Variants in ZNF536 observed in about 807,000 individuals in gnomAD.
ZNF536 encodes zinc finger protein 536.
ZNF536 carries 13 observed loss-of-function variants against 84.5 expected under a neutral mutation model. That is an observed-to-expected ratio of 0.15 (90% CI 0.10 to 0.24). The LOEUF is 0.24. ZNF536 is among the 10% of genes least tolerant of loss of function. The probability of loss-of-function intolerance (pLI) is 1.00; values close to 1 mark genes in which losing one functional copy is unlikely to be tolerated. For missense variants in ZNF536, 1,536 were observed against 1,747.5 expected, an observed-to-expected ratio of 0.88 and a Z score of 2.16; for synonymous variants, 811 against 742.5, an observed-to-expected ratio of 1.09 and a Z score of -1.50.
chr19:30,572,669 C>T (rs2046592140), intron 1 of ZNF536, among the ~76,000 whole-genome samples: 4 of 152,114 alleles, frequency 2.6e-5, no homozygotes, highest in Admixed American at 2.6e-4. Context: ...TCTCGTGGGG[C>T]TTACCTTCTA....
chr19:30,465,211 G>A (rs2053331025), intron 2 of ZNF536, among the ~76,000 whole-genome samples: 1 of 152,048 alleles, frequency 6.6e-6, no homozygotes, highest in Non-Finnish European at 1.5e-5. Flanking sequence ...GCCCTGTAGT[G>A]GCCTCAGCAT....
chr19:30,477,326 C>T (rs776202050), intron 2 of ZNF536, among the ~76,000 whole-genome samples: 1 of 152,146 alleles, frequency 6.6e-6, no homozygotes, highest in Non-Finnish European at 1.5e-5. Flanking sequence ...TTAGGTAGCC[C>T]AGGGCCTAGA....
intron 1 of ZNF536, among the ~76,000 whole-genome samples, chr19:30,603,014 G>A (rs10409596): frequency 3.3e-4 from 50 of 152,334 alleles, no homozygotes; most frequent in Middle Eastern, 6.8e-3. Context: ...CCCATCAGTG[G>A]CATCAGTCTG....
intron 2 of ZNF536, among the ~76,000 whole-genome samples, chr19:30,454,034 G>A (rs189992054): frequency 2.9e-4 from 44 of 152,396 alleles, no homozygotes; most frequent in Admixed American, 4.6e-4. Context: ...TCCAATGTGG[G>A]CATGAGGACG....
chr19:30,576,313 G>T (rs1400837573), intron 1 of ZNF536, among the ~76,000 whole-genome samples: 1 of 152,114 alleles, frequency 6.6e-6, no homozygotes, highest in African/African-American at 2.4e-5. Context: ...GATGCAGATA[G>T]GACACTCTGT....
At chr19:30,439,284 C>T (rs1420680647) in intron 1 of ZNF536, among the ~76,000 whole-genome samples, 1 of 152,202 alleles carries the variant, frequency 6.6e-6, no homozygotes, top group Non-Finnish European at 1.5e-5. Context: ...TGGACACTCA[C>T]TCACGCTGGC....
chr19:30,426,662 C>G (rs1426232552), intron 1 of ZNF536, among the ~76,000 whole-genome samples: 1 of 152,102 alleles, frequency 6.6e-6, no homozygotes, highest in Admixed American at 6.6e-5. Context: ...GTTGCAGGAG[C>G]CTGGGGAGGC....
At chr19:30,286,799 G>A (rs186867895) in intron 2 of ZNF536, among the ~76,000 whole-genome samples, 1 of 152,314 alleles carries the variant, frequency 6.6e-6, no homozygotes, top group East Asian at 1.9e-4. Context: ...TATAGATAAT[G>A]AGGAATAAAG....
chr19:30,367,391 T>G (rs1045929257), upstream of ZNF536, among the ~76,000 whole-genome samples: 2 of 152,242 alleles, frequency 1.3e-5, no homozygotes, highest in Non-Finnish European at 2.9e-5. Flanking sequence ...ACACATCATC[T>G]GACTACCAAA....
chr19:30,390,456 G>A (rs2049537556), intron 1 of ZNF536, among the ~76,000 whole-genome samples: 1 of 152,134 alleles, frequency 6.6e-6, no homozygotes, highest in Non-Finnish European at 1.5e-5. Flanking sequence ...CTAGAAAGTG[G>A]AGTTGAACTC....
intron 1 of ZNF536, among the ~76,000 whole-genome samples, chr19:30,433,766 G>A (rs141687616): frequency 0.011 from 1,738 of 152,218 alleles, 12 homozygotes; most frequent in Non-Finnish European, 0.016. Flanking sequence ...CAAAGTGCTG[G>A]GATTACAGGC....
chr19:30,470,287 A>C (rs1013930933), intron 2 of ZNF536, among the ~76,000 whole-genome samples: 9 of 152,132 alleles, frequency 5.9e-5, no homozygotes, highest in African/African-American at 2.2e-4. Context: ...GAAGAGTCCA[A>C]ATCTTCTTAT....
intron 1 of ZNF536, among the ~76,000 whole-genome samples, chr19:30,572,450 C>T (rs1005254999): frequency 6.6e-6 from 1 of 152,168 alleles, no homozygotes; most frequent in Non-Finnish European, 1.5e-5. Context: ...AACACTGTGA[C>T]CCCTCTACCC....
chr19:30,335,925 C>A (rs964154524), intron 2 of ZNF536, among the ~76,000 whole-genome samples: 2 of 152,124 alleles, frequency 1.3e-5, no homozygotes, highest in Admixed American at 6.5e-5. Context: ...ACCATCCCCA[C>A]TGAATGGATT....
chr19:30,661,420 T>A (rs1407230288), intron 1 of ZNF536, among the ~76,000 whole-genome samples: 1 of 152,214 alleles, frequency 6.6e-6, no homozygotes, highest in East Asian at 1.9e-4. Context: ...AAGGCTGGTA[T>A]AATGGATTTG....
At chr19:30,391,073 G>C (rs2049568540) in intron 1 of ZNF536, among the ~76,000 whole-genome samples, 1 of 152,232 alleles carries the variant, frequency 6.6e-6, no homozygotes, top group African/African-American at 2.4e-5. Context: ...CAGAGCCAGA[G>C]GCAGAGTCCC....
At chr19:30,592,059 T>C (rs2047293748) in intron 1 of ZNF536, among the ~76,000 whole-genome samples, 1 of 152,246 alleles carries the variant, frequency 6.6e-6, no homozygotes, top group Non-Finnish European at 1.5e-5. Context: ...TGTGATAACC[T>C]TTATTTATAG....
chr19:30,305,974 T>C (rs1461589807), intron 2 of ZNF536, among the ~76,000 whole-genome samples: 1 of 152,232 alleles, frequency 6.6e-6, no homozygotes. Flanking sequence ...ACATCGGTTT[T>C]TTTCCCCCCT....
intron 2 of ZNF536, among the ~76,000 whole-genome samples, chr19:30,501,739 C>G (rs2054957309): frequency 6.6e-6 from 1 of 152,196 alleles, no homozygotes; most frequent in African/African-American, 2.4e-5. Context: ...CTCATGAGGA[C>G]CACACAATGG....
Sources: gnomAD v4.1 joint callset for allele counts (sites outside exome capture counted in the v4.1 genomes callset) on GRCh38, gnomAD v4.1.1 for gene constraint, MANE v1.5 for transcripts, NCBI Gene and HGNC (gene_info 2026-07-23, HGNC 2026-07-21) for gene names.